Variants in DCC observed in about 807,000 individuals in gnomAD.
The protein encoded by DCC is DCC netrin 1 receptor.
DCC carries 58 observed loss-of-function variants against 172.5 expected under a neutral mutation model. The observed-to-expected ratio is 0.34, with a 90% CI of 0.27 to 0.42. The LOEUF is 0.42. Ranked by LOEUF, DCC falls within the 10% of genes least tolerant of loss-of-function variation. The probability of loss-of-function intolerance (pLI) is 1.00; values close to 1 mark genes in which losing one functional copy is unlikely to be tolerated. For missense variants in DCC, 1,740 were observed against 1,791.0 expected (o/e 0.97, Z 0.51); for synonymous variants, 709 against 644.5 (o/e 1.10, Z -1.52).
chr18:53,046,997 A>C (rs941808380), intron 5 of DCC, among the ~76,000 whole-genome samples: 3 of 151,348 alleles, frequency 2.0e-5, no homozygotes, highest in Non-Finnish European at 4.4e-5. Context: ...GGTAGAAAAC[A>C]TTCTGTTGTT....
intron 1 of DCC, among the ~76,000 whole-genome samples, chr18:52,456,958 T>TA (rs1568178515): frequency 6.6e-6 from 1 of 152,110 alleles, no homozygotes; most frequent in East Asian, 1.9e-4. Context: ...TGTTTTTTTT[T>TA]TAAAAAAATA....
chr18:53,192,826 C>T (rs563633274), intron 9 of DCC, among the ~76,000 whole-genome samples: 8 of 152,306 alleles, frequency 5.3e-5, no homozygotes, highest in South Asian at 4.1e-4. Flanking sequence ...CTCACCCACA[C>T]GTCTCCACCT....
chr18:53,138,812 G>A (rs2043786564), intron 7 of DCC, among the ~76,000 whole-genome samples: 1 of 152,178 alleles, frequency 6.6e-6, no homozygotes, highest in African/African-American at 2.4e-5. Context: ...TACTGTAAAT[G>A]CATCAATAAT....
chr18:53,345,482 A>G (rs568856468), intron 15 of DCC, among the ~76,000 whole-genome samples: 8 of 152,256 alleles, frequency 5.3e-5, no homozygotes, highest in East Asian at 1.9e-4. Flanking sequence ...TATTTATTGT[A>G]TTATGCAGTC....
chr18:52,416,807 G>T (rs1598801153), intron 1 of DCC, among the ~76,000 whole-genome samples: 1 of 152,142 alleles, frequency 6.6e-6, no homozygotes, highest in South Asian at 2.1e-4. Context: ...AGCACACGAT[G>T]GGTCTTGACT....
rs74577957 is a variant in DCC, at chr18:53,330,621, C to T, written c.2164+8464C>T. 1.8e-4 allele frequency among the ~76,000 whole-genome samples: 27 copies of T among 152,202 alleles called. 2 individuals are homozygous for T. In the East Asian group the frequency reaches 4.3e-3, roughly 24 times the overall value. ...TGCTCAGATTCTTCTCCATGTGGTC[C>T]TTCCCTCAGCCTCAAGTGTGACATC... is the stretch of plus-strand genomic sequence containing the variant. On this transcript the variant is annotated intron_variant, in intron 14 of 28. Transcript: ENST00000442544.
intron 12 of DCC, among the ~76,000 whole-genome samples, chr18:53,302,910 G>A (rs965522683): frequency 6.6e-6 from 1 of 152,034 alleles, no homozygotes; most frequent in Non-Finnish European, 1.5e-5. Context: ...TCTCCATGAG[G>A]CTCTAGTATT....
chr18:53,450,437 A>G, intron 22 of DCC, 63 bp from the exon 23 acceptor site: 2 of 1,579,150 alleles, frequency 1.3e-6, no homozygotes, highest in Non-Finnish European at 1.7e-6. Context: ...ATCCCAAGAG[A>G]GCTTGGTAAA....
intron 1 of DCC, among the ~76,000 whole-genome samples, chr18:52,458,075 C>G (rs1988514102): frequency 6.6e-6 from 1 of 152,142 alleles, no homozygotes; most frequent in South Asian, 2.1e-4. Context: ...GAGACAAGCC[C>G]AGCACTGGCA....
At chr18:53,012,476 A>G (rs2041744704) in intron 5 of DCC, among the ~76,000 whole-genome samples, 1 of 152,082 alleles carries the variant, frequency 6.6e-6, no homozygotes, top group African/African-American at 2.4e-5. Context: ...AAACCTATCC[A>G]TTATGATAGA....
intron 15 of DCC, among the ~76,000 whole-genome samples, chr18:53,364,476 G>C (rs2057980343): frequency 1.3e-5 from 2 of 152,118 alleles, no homozygotes; most frequent in African/African-American, 4.8e-5. Context: ...AATGAAGTAT[G>C]ATCAGAGAGA....
chr18:53,053,805 A>T (rs182187994), intron 5 of DCC, among the ~76,000 whole-genome samples: 3 of 152,154 alleles, frequency 2.0e-5, no homozygotes, highest in African/African-American at 7.2e-5. Flanking sequence ...AACACACATG[A>T]TTTAACACTT....
intron 1 of DCC, among the ~76,000 whole-genome samples, chr18:52,601,132 G>A (rs1323900460): frequency 6.6e-6 from 1 of 152,014 alleles, no homozygotes; most frequent in African/African-American, 2.4e-5. Context: ...TTTCTAAGGA[G>A]GTAGACATCT....
At chr18:52,379,043 G>T (rs1171127260) in intron 1 of DCC, among the ~76,000 whole-genome samples, 1 of 152,126 alleles carries the variant, frequency 6.6e-6, no homozygotes, top group African/African-American at 2.4e-5. Context: ...GAATGAAATT[G>T]CTTAAAGCAT....
intron 10 of DCC, among the ~76,000 whole-genome samples, chr18:53,206,938 G>A (rs531986472): frequency 6.6e-6 from 1 of 152,040 alleles, no homozygotes; most frequent in Admixed American, 6.6e-5. Flanking sequence ...TATATTATAA[G>A]ATAAGCATTA....
intron 9 of DCC, among the ~76,000 whole-genome samples, chr18:53,194,916 A>T (rs764908819): frequency 6.6e-5 from 10 of 152,250 alleles, no homozygotes; most frequent in Admixed American, 1.3e-4. Flanking sequence ...AAGATTAAAT[A>T]CTTCTTCCTC....
intron 1 of DCC, among the ~76,000 whole-genome samples, chr18:52,363,655 AT>A (rs1984717948): frequency 1.3e-5 from 2 of 152,254 alleles, no homozygotes; most frequent in African/African-American, 4.8e-5. Flanking sequence ...CTACTGGTCA[AT>A]TAAAAAATAT....
chr18:52,537,755 G>C (rs968189243), intron 1 of DCC, among the ~76,000 whole-genome samples: 1 of 152,176 alleles, frequency 6.6e-6, no homozygotes, highest in African/African-American at 2.4e-5. Context: ...TCAATGCAGA[G>C]TATTTAACGA....
chr18:52,402,028 C>T lies in DCC; in HGVS notation c.91+61150C>T, dbSNP rs989047004. On this transcript the variant is annotated intron_variant, in intron 1 of 28. Coordinates refer to ENST00000442544, the MANE Select transcript of DCC (RefSeq NM_005215.4). Reference sequence around the variant, plus strand: ...ATAAGATGGTTGACTGTCTTCAAATCGTTGCAGCTGTCTTCTAGTAAGCAA... The same window carrying T: ...ATAAGATGGTTGACTGTCTTCAAATTGTTGCAGCTGTCTTCTAGTAAGCAA... Among the ~76,000 whole-genome samples, 25 of 151,930 alleles carry T rather than the reference C, an allele frequency of 1.6e-4. 1 individual carries two copies. Among genetic ancestry groups the T allele is most frequent in the Non-Finnish European group, 4.4e-5 (3 of 67,948 alleles).
Sources: allele counts gnomAD v4.1 joint callset (sites outside exome capture counted in the v4.1 genomes callset), GRCh38; gene constraint gnomAD v4.1.1; transcripts MANE v1.5; gene names NCBI Gene and HGNC (gene_info 2026-07-23, HGNC 2026-07-21).